DIP2A: variants seen among roughly 807,000 people sequenced by gnomAD.
DIP2A encodes the protein DIP2 acetate--CoA ligase A, also known as disco-interacting protein 2 homolog A.
DIP2A carries 85 observed loss-of-function variants against 177.4 expected under a neutral mutation model. The ratio of observed to expected loss-of-function variants is 0.48; its 90% confidence interval spans 0.40 to 0.57. The LOEUF (loss-of-function observed/expected upper bound fraction) is 0.57, where lower values mean the gene tolerates loss of function less well. DIP2A is among the 20% of genes least tolerant of loss of function. The pLI, the probability that DIP2A is intolerant of heterozygous loss-of-function variation, is 0.00. For synonymous variants in DIP2A, 886 were observed against 881.8 expected, an observed-to-expected ratio of 1.00 and a Z score of -0.08; for missense variants, 1,791 against 2,100.2, an observed-to-expected ratio of 0.85 and a Z score of 2.88.
the DIP2A span, among the ~76,000 whole-genome samples, chr21:46,576,805 A>G: frequency 6.6e-6 from 1 of 152,016 alleles, no homozygotes; most frequent in Non-Finnish European, 1.5e-5. Context: ...TGACGTTTTA[A>G]TAGTTGCCAT....
At chr21:46,465,357 C>G (rs1009990183) in intron 1 of DIP2A, among the ~76,000 whole-genome samples, 2 of 151,968 alleles carry the variant, frequency 1.3e-5, no homozygotes, top group African/African-American at 4.8e-5. Context: ...CACCTGAGGT[C>G]TGGAGTTCGA....
chr21:46,499,142 T>C (rs957862533), intron 5 of DIP2A, among the ~76,000 whole-genome samples: 4 of 152,234 alleles, frequency 2.6e-5, no homozygotes, highest in African/African-American at 9.6e-5. Context: ...TTGCAAATTT[T>C]TTCCCCCATC....
rs749105568 is a variant in DIP2A, at chr21:46,537,164, A to G, written c.1643-60A>G. On this transcript the variant is annotated intron_variant, in intron 13 of 37. Coordinates refer to ENST00000417564, the MANE Select transcript of DIP2A (RefSeq NM_015151.4). This position sits in a 1 kb window ranked among gnomAD's most constrained non-coding sequence, Gnocchi z 4.1. ...TACTCACCTCAGAATTTCTCTAGAAAATGCATAGGGCTTATTGAGAGGGTT... is the reference window on the plus strand; with the variant it reads ...TACTCACCTCAGAATTTCTCTAGAAGATGCATAGGGCTTATTGAGAGGGTT... 14 of 1,571,728 alleles carry G rather than the reference A, an allele frequency of 8.9e-6. No individual in the cohort carries two copies. Among genetic ancestry groups the G allele is most frequent in the Middle Eastern group, 1.7e-4 (1 of 6,028 alleles).
At position 46,498,649 on chromosome 21, in the gene DIP2A, C is replaced by G. The variant is rs372839046; in HGVS notation, c.471C>G (p.Leu157=). Residue 157 remains leucine, a synonymous_variant, in exon 5 of 38, where the codon CTC becomes CTG. Transcript: ENST00000417564. This position sits in a 1 kb window ranked among gnomAD's most constrained non-coding sequence, Gnocchi z 4.3. ...RRPGRLTSTP[L]QSHSSVEPWL... is the part of the protein sequence containing the mutation. ...CCGGGCGACTCACCTCCACTCCGCTCCAGAGCCATTCCAGCGTCGAGCCCT... is the reference window on the plus strand; with the variant it reads ...CCGGGCGACTCACCTCCACTCCGCTGCAGAGCCATTCCAGCGTCGAGCCCT... The G allele has an allele frequency of 1.9e-5, 30 of 1,613,688 alleles. No individual in the cohort carries two copies. The highest frequency in any genetic ancestry group is 2.7e-5 in the African/African-American group (2 of 74,932).
intron 8 of DIP2A, among the ~76,000 whole-genome samples, chr21:46,519,445 G>A (rs2058725373): frequency 1.3e-5 from 2 of 152,178 alleles, no homozygotes. Context: ...TTTTATGAGA[G>A]AAGCCTTAAT....
chr21:46,514,538 A>G (rs2058461855), intron 8 of DIP2A, among the ~76,000 whole-genome samples: 1 of 143,756 alleles, frequency 7.0e-6, no homozygotes, highest in Non-Finnish European at 1.5e-5. Context: ...TATCTTTTGT[A>G]TTACCTGTCT....
chr21:46,461,983 C>T (rs1024520648), intron 1 of DIP2A, among the ~76,000 whole-genome samples: 13 of 151,864 alleles, frequency 8.6e-5, no homozygotes, highest in African/African-American at 2.4e-4. Flanking sequence ...GATCACCTGA[C>T]GAGGTTGTGA....
intron 1 of DIP2A, among the ~76,000 whole-genome samples, chr21:46,464,321 A>C (rs181801848): frequency 6.6e-6 from 1 of 152,068 alleles, no homozygotes; most frequent in Non-Finnish European, 1.5e-5. Flanking sequence ...TGAACCTGGG[A>C]GGCAGAGGTT....
At chr21:46,501,974 G>A (rs1412112756) in intron 5 of DIP2A, among the ~76,000 whole-genome samples, 1 of 152,144 alleles carries the variant, frequency 6.6e-6, no homozygotes, top group Non-Finnish European at 1.5e-5. Flanking sequence ...ATTCTGCTAT[G>A]CAGACAGTGA....
chr21:46,560,424 A>G (rs1330078757), intron 32 of DIP2A, among the ~76,000 whole-genome samples: 3 of 152,256 alleles, frequency 2.0e-5, no homozygotes, highest in East Asian at 1.9e-4. Flanking sequence ...CATCACAGCA[A>G]GAGACCAGTG....
intron 22 of DIP2A, 188 bp downstream of exon 22, chr21:46,550,073 T>C (rs1385281119): frequency 7.3e-7 from 1 of 1,377,058 alleles, no homozygotes; most frequent in Middle Eastern, 2.4e-4. Context: ...AGTGATGTTA[T>C]AATTTATGAA....
intron 2 of DIP2A, among the ~76,000 whole-genome samples, 167 bp from the exon 3 acceptor site, chr21:46,490,433 T>G (rs939844775): frequency 1.3e-5 from 2 of 152,214 alleles, no homozygotes; most frequent in African/African-American, 4.8e-5. Flanking sequence ...AAGTGGATGT[T>G]GCCCTTAACC....
intron 8 of DIP2A, among the ~76,000 whole-genome samples, chr21:46,526,322 T>A (rs949095308): frequency 1.3e-5 from 2 of 152,148 alleles, no homozygotes; most frequent in African/African-American, 4.8e-5. Context: ...TGCATATTTC[T>A]TGTGACAGTC....
intron 18 of DIP2A, 83 bp downstream of exon 18, chr21:46,541,978 C>A (rs920535011): frequency 8.4e-6 from 13 of 1,554,094 alleles, no homozygotes; most frequent in African/African-American, 1.4e-5. Flanking sequence ...GAGACGGAGT[C>A]TTGCTTTGTC....
intron 1 of DIP2A, among the ~76,000 whole-genome samples, chr21:46,472,324 C>A (rs959783192): frequency 6.6e-6 from 1 of 152,162 alleles, no homozygotes; most frequent in African/African-American, 2.4e-5. Flanking sequence ...TTTAAGTCGC[C>A]CACTCTGGTA....
In DIP2A at chr21:46,555,008, G is replaced by A. The variant is rs577455821; in HGVS notation, c.3388+75G>A. 1.4e-4 allele frequency: 197 copies of A among 1,440,660 alleles called. No homozygotes were observed. In the South Asian group the frequency reaches 1.9e-3, roughly 14 times the overall value. The allele number at this position is 1,440,660 out of a possible 1,614,324, so 89.2% of individuals were successfully genotyped here. A position where few individuals can be genotyped will look rare whatever the true frequency, so the allele number is the denominator to read the frequency against. Reference sequence around the variant, plus strand: ...GTAGGTGTGGTGTGGCCTGGCTGCCGTCCAAAAACACACGTGAGGCAAGAG... The same window carrying A: ...GTAGGTGTGGTGTGGCCTGGCTGCCATCCAAAAACACACGTGAGGCAAGAG... On this transcript the variant is annotated intron_variant, in intron 28 of 37. Transcript: ENST00000417564.
intron 8 of DIP2A, among the ~76,000 whole-genome samples, chr21:46,527,335 T>TTTG (rs1555897991): frequency 3.4e-5 from 5 of 146,174 alleles, no homozygotes; most frequent in Non-Finnish European, 6.0e-5. Flanking sequence ...GTTTTTTTTT[T>TTTG]TTTTTTTTTT....
intron 1 of DIP2A, among the ~76,000 whole-genome samples, chr21:46,464,817 C>CTCTTTTTTTTTTTTTTTTT (rs2054651863): frequency 1.4e-5 from 1 of 73,442 alleles, no homozygotes; most frequent in Non-Finnish European, 2.5e-5. Flanking sequence ...ATATTCATGT[C>CTCTTTTTTTTTTTTTTTTT]TTTTTTTTTT....
intron 2 of DIP2A, among the ~76,000 whole-genome samples, chr21:46,486,496 A>T (rs2056706701): frequency 6.6e-6 from 1 of 152,178 alleles, no homozygotes; most frequent in South Asian, 2.1e-4. Context: ...ACCTTCCCTT[A>T]ATTTAATTAG....
Sources: gnomAD v4.1 joint callset for allele counts (sites outside exome capture counted in the v4.1 genomes callset) on GRCh38, gnomAD v4.1.1 for gene constraint, Gnocchi (gnomAD v3.1) non-coding constraint, MANE v1.5 for transcripts, NCBI Gene and HGNC (gene_info 2026-07-23, HGNC 2026-07-21) for gene names.